SLC25A21: variants seen among roughly 807,000 people sequenced by gnomAD.
SLC25A21 encodes the protein solute carrier family 25 member 21.
Under a neutral mutation model 43.8 loss-of-function variants are expected in SLC25A21, and 47 were observed. The ratio of observed to expected loss-of-function variants is 1.07; its 90% CI spans 0.85 to 1.37. SLC25A21 has a LOEUF of 1.37. SLC25A21 is among the 40% of genes most tolerant of loss of function. The pLI is 0.00. For synonymous variants in SLC25A21, 131 were observed against 121.3 expected (o/e 1.08, Z -0.52); for missense variants, 352 against 350.2 (o/e 1.00, Z -0.04).
rs375475246 is a variant in SLC25A21 at position 36,680,534 on chromosome 14, A to G, written c.*124T>C. On this transcript the variant is annotated 3_prime_UTR_variant, in exon 10 of 10. Coordinates refer to ENST00000331299, the MANE Select transcript of SLC25A21 (RefSeq NM_030631.4). ...GACATTTTTTAAAGTATTAAAATAG[A>G]TTTTGTTCTTGAACAGTTTTCTCCT... The G allele has an allele frequency of 1.0e-5, 14 of 1,372,924 alleles. No individual in the cohort carries two copies. In the African/African-American group the frequency reaches 2.1e-4, roughly 20 times the overall value. 85.0% of individuals were successfully genotyped at this position (1,372,924 alleles called of 1,614,324 possible). A position where few individuals can be genotyped will look rare whatever the true frequency, so the allele number is the denominator to read the frequency against.
At chr14:37,119,141 A>G (rs1404485220) in intron 1 of SLC25A21, among the ~76,000 whole-genome samples, 1 of 152,198 alleles carries the variant, frequency 6.6e-6, no homozygotes, top group Non-Finnish European at 1.5e-5. Flanking sequence ...ATGCCATGGC[A>G]ACATCCAGAA....
intron 1 of SLC25A21, among the ~76,000 whole-genome samples, chr14:36,924,570 A>G (rs1892077395): frequency 6.6e-6 from 1 of 152,114 alleles, no homozygotes; most frequent in African/African-American, 2.4e-5. Context: ...AGATATACCT[A>G]ATGGAAATGA....
intron 1 of SLC25A21, among the ~76,000 whole-genome samples, chr14:36,956,807 C>T (rs994021237): frequency 1.3e-5 from 2 of 152,224 alleles, no homozygotes; most frequent in Non-Finnish European, 2.9e-5. Flanking sequence ...AATGTTTTAT[C>T]ATCTAGCAAT....
chr14:36,779,255 TAATATATAAG>T (rs1886946505), intron 3 of SLC25A21, among the ~76,000 whole-genome samples: 1 of 146,280 alleles, frequency 6.8e-6, no homozygotes, highest in Admixed American at 6.9e-5. Flanking sequence ...ATATAATATA[TAATATATAAG>T]AATATATAAG....
chr14:37,030,024 C>G (rs993739225), intron 1 of SLC25A21, among the ~76,000 whole-genome samples: 11 of 152,080 alleles, frequency 7.2e-5, no homozygotes, highest in Non-Finnish European at 1.5e-4. Flanking sequence ...CTTGGCTTCC[C>G]AAAGTGCTGG....
At chr14:36,883,699 T>C (rs1203506579) in intron 1 of SLC25A21, among the ~76,000 whole-genome samples, 1 of 152,190 alleles carries the variant, frequency 6.6e-6, no homozygotes, top group Non-Finnish European at 1.5e-5. Context: ...GCTACAATTA[T>C]GGGATTCCAT....
chr14:36,883,405 T>C (rs1433630195), intron 1 of SLC25A21, among the ~76,000 whole-genome samples: 3 of 152,200 alleles, frequency 2.0e-5, no homozygotes, highest in Admixed American at 6.6e-5. Context: ...CACTCTAACA[T>C]AGACCTGCCC....
At chr14:37,035,469 A>C (rs1337778398) in intron 1 of SLC25A21, among the ~76,000 whole-genome samples, 2 of 152,242 alleles carry the variant, frequency 1.3e-5, no homozygotes, top group African/African-American at 2.4e-5. Context: ...AAAAACATAA[A>C]ACCACTTTTT....
intron 3 of SLC25A21, among the ~76,000 whole-genome samples, chr14:36,740,246 G>T (rs1885199084): frequency 1.3e-5 from 2 of 152,190 alleles, no homozygotes; most frequent in Admixed American, 1.3e-4. Context: ...GATTGTTTAT[G>T]CTGGGGAGCC....
chr14:37,142,463 C>T (rs1488633245), intron 1 of SLC25A21, among the ~76,000 whole-genome samples: 2 of 152,202 alleles, frequency 1.3e-5, no homozygotes, highest in African/African-American at 4.8e-5. Context: ...TGGGCTCAAG[C>T]GATTCCCGTA....
chr14:36,702,312 T>C (rs1270191819), intron 7 of SLC25A21, among the ~76,000 whole-genome samples: 1 of 151,774 alleles, frequency 6.6e-6, no homozygotes, highest in East Asian at 1.9e-4. Flanking sequence ...TTTGTCCTCA[T>C]CCTTCAGCCC....
At chr14:36,849,976 A>C (rs1251205716) in intron 2 of SLC25A21, among the ~76,000 whole-genome samples, 1 of 152,186 alleles carries the variant, frequency 6.6e-6, no homozygotes, top group African/African-American at 2.4e-5. Flanking sequence ...CAAGTGAAGG[A>C]GGTACAGCTT....
At chr14:36,760,330 CAGAAGGAA>C (rs1566582806) in intron 3 of SLC25A21, among the ~76,000 whole-genome samples, 1 of 105,074 alleles carries the variant, frequency 9.5e-6, no homozygotes, top group African/African-American at 4.0e-5. Context: ...GGCAGCTAGG[CAGAAGGAA>C]GGAAGGAAGG....
Position 36,804,855 on chromosome 14 carries a change from G to A in SLC25A21, c.203+9063C>T, listed in dbSNP as rs367811729. 9.2e-5 allele frequency among the ~76,000 whole-genome samples: 14 copies of A among 152,206 alleles called. No homozygotes were observed. The East Asian group carries it at 2.3e-3, about 25-fold the overall frequency. On this transcript the variant is annotated intron_variant, in intron 3 of 9. Transcript: ENST00000331299. ...TTTTCCATTTGATTTGAAAATGTTC[G>A]GTTTTAACGACCACTAGAAAAAGAA...
intron 1 of SLC25A21, among the ~76,000 whole-genome samples, chr14:37,114,798 A>G (rs375701145): frequency 7.5e-5 from 11 of 146,922 alleles, no homozygotes; most frequent in Non-Finnish European, 1.5e-4. Context: ...CGGGGGGGGA[A>G]TTGGTGGTTT....
At chr14:36,792,432 C>T (rs1405088802) in intron 3 of SLC25A21, among the ~76,000 whole-genome samples, 1 of 152,222 alleles carries the variant, frequency 6.6e-6, no homozygotes, top group East Asian at 1.9e-4. Context: ...TAATGGGAGG[C>T]AGACCACAGG....
intron 1 of SLC25A21, among the ~76,000 whole-genome samples, chr14:37,009,048 C>T (rs568875283): frequency 6.6e-6 from 1 of 152,282 alleles, no homozygotes; most frequent in East Asian, 1.9e-4. Context: ...TTAGAGCAAA[C>T]ATAAAGCCCT....
At chr14:37,040,994 T>G (rs961548642) in intron 1 of SLC25A21, among the ~76,000 whole-genome samples, 2 of 152,074 alleles carry the variant, frequency 1.3e-5, no homozygotes, top group African/African-American at 4.8e-5. Flanking sequence ...AGAATTTAGA[T>G]GGATGTAACT....
rs538753296 is a variant in SLC25A21 at position 37,172,532 on chromosome 14, C to G, written c.-182G>C. 2 of 741,428 alleles carry G rather than the reference C, an allele frequency of 2.7e-6. No homozygotes were observed. The highest frequency in any genetic ancestry group is 2.0e-5 in the Admixed American group (1 of 50,006). The allele number at this position is 741,428 out of a possible 1,614,324, so 45.9% of individuals were successfully genotyped here. The stretch of plus-strand genomic sequence containing the variant: ...TCGAGGCGCAGATTCGTCGCGCGAT[C>G]TCCGGCGCGTCGGAACCTGTTCGCA... On this transcript the variant is annotated 5_prime_UTR_variant, in exon 1 of 10. Coordinates refer to ENST00000331299, the MANE Select transcript of SLC25A21 (RefSeq NM_030631.4).
Sources: gnomAD v4.1 joint callset for allele counts (sites outside exome capture counted in the v4.1 genomes callset) on GRCh38, gnomAD v4.1.1 for gene constraint, MANE v1.5 for transcripts, NCBI Gene and HGNC (gene_info 2026-07-23, HGNC 2026-07-21) for gene names.